The following DAB1 variants were observed in gnomAD, a reference collection of about 807,000 sequenced individuals.
DAB1 encodes disabled homolog 1.
DAB1 carries 15 observed loss-of-function variants against 64.6 expected under a neutral mutation model. The ratio of observed to expected loss-of-function variants is 0.23; its 90% CI spans 0.16 to 0.36. DAB1 has a LOEUF of 0.36. DAB1 is among the 10% of genes least tolerant of loss of function. The pLI is 1.00. For synonymous variants in DAB1, 235 were observed against 251.9 expected (o/e 0.93, Z 0.64); for missense variants, 596 against 706.7 (o/e 0.84, Z 1.78).
intron 6 of DAB1, among the ~76,000 whole-genome samples, chr1:57,745,488 T>C (rs1648219540): frequency 6.6e-6 from 1 of 152,170 alleles, no homozygotes; most frequent in Admixed American, 6.5e-5. Context: ...TTACTTTTCT[T>C]TACAGTGAGC....
chr1:57,682,000 C>T (rs796124657), intron 6 of DAB1, among the ~76,000 whole-genome samples: 1 of 152,134 alleles, frequency 6.6e-6, no homozygotes, highest in Non-Finnish European at 1.5e-5. Context: ...TACCTCCTCA[C>T]AGCCCTTAAT....
chr1:57,454,598 C>T (rs1484761248), intron 7 of DAB1, among the ~76,000 whole-genome samples: 2 of 152,026 alleles, frequency 1.3e-5, no homozygotes, highest in African/African-American at 4.8e-5. Flanking sequence ...GTACAATAAA[C>T]CCATGTGACA....
intron 1 of DAB1, among the ~76,000 whole-genome samples, chr1:57,848,011 T>C (rs1014111024): frequency 6.6e-5 from 10 of 152,314 alleles, no homozygotes; most frequent in African/African-American, 2.4e-4. Context: ...CTGATTTTCC[T>C]GAGATTTTAA....
At chr1:57,679,413 A>G (rs1646610480) in intron 6 of DAB1, among the ~76,000 whole-genome samples, 1 of 152,226 alleles carries the variant, frequency 6.6e-6, no homozygotes, top group Non-Finnish European at 1.5e-5. Context: ...ACTCCAGAAC[A>G]GGGAATGTGG....
In DAB1 at chr1:57,350,827, G is replaced by A. The variant is rs188522094; in HGVS notation, c.-136-59661C>T. Among the ~76,000 whole-genome samples, 11 of 152,246 alleles carry A rather than the reference G, an allele frequency of 7.2e-5. No individual in the cohort carries two copies. In the East Asian group the frequency reaches 2.1e-3, roughly 29 times the overall value. On this transcript the variant is annotated intron_variant, in intron 1 of 14. Coordinates refer to ENST00000371236, the MANE Select transcript of DAB1 (RefSeq NM_001365792.1). Reference sequence around the variant, plus strand: ...TTAATGAAAGACTACGGTGAACTTTGCTAACCACAGCCTGTGCGTTTGTAA... The same window carrying A: ...TTAATGAAAGACTACGGTGAACTTTACTAACCACAGCCTGTGCGTTTGTAA...
intron 9 of DAB1, 107 bp downstream of exon 9, chr1:57,062,777 G>T: frequency 1.1e-6 from 1 of 897,936 alleles, no homozygotes; most frequent in Non-Finnish European, 1.8e-6. Context: ...AAACATGTGG[G>T]GCCATGACAC....
At chr1:57,664,361 A>G (rs1219333496) in intron 6 of DAB1, among the ~76,000 whole-genome samples, 1 of 152,168 alleles carries the variant, frequency 6.6e-6, no homozygotes, top group Non-Finnish European at 1.5e-5. Flanking sequence ...AGATTTGTAA[A>G]TTGTGAGATA....
intron 10 of DAB1, among the ~76,000 whole-genome samples, chr1:57,025,203 C>T (rs572560567): frequency 3.9e-5 from 6 of 152,336 alleles, no homozygotes; most frequent in Non-Finnish European, 7.3e-5. Context: ...CATCTCGGCT[C>T]TTTTCTTTGC....
intron 14 of DAB1, among the ~76,000 whole-genome samples, chr1:57,000,257 G>T (rs1259034902): frequency 6.6e-6 from 1 of 151,936 alleles, no homozygotes; most frequent in Non-Finnish European, 1.5e-5. Context: ...TGTCAGCCAG[G>T]ATGGTCTCAA....
At chr1:57,971,244 T>C (rs1296414923) in intron 5 of DAB1, among the ~76,000 whole-genome samples, 2 of 152,208 alleles carry the variant, frequency 1.3e-5, no homozygotes, top group Non-Finnish European at 2.9e-5. Context: ...ACAAAATTTG[T>C]CTATTGTTCA....
intron 5 of DAB1, among the ~76,000 whole-genome samples, chr1:57,906,937 C>CAGAT (rs5774378): frequency 0.024 from 3,474 of 146,816 alleles, 55 homozygotes; most frequent in East Asian, 0.03. Flanking sequence ...ATATAATATG[C>CAGAT]AGATAGATAG....
In DAB1 at chr1:57,504,251, G is replaced by T. The variant is rs540089956; in HGVS notation, n.625+145341C>A. 1.4e-4 allele frequency among the ~76,000 whole-genome samples: 21 copies of T among 152,208 alleles called. No homozygotes were observed. The South Asian group carries it at 4.4e-3, about 32-fold the overall frequency. On this transcript the variant is annotated intron_variant and non_coding_transcript_variant, in intron 7 of 20. Coordinates refer to the DAB1 transcript ENST00000485760. ...TAAAATTTTTCCATTTCAATAAAGG[G>T]AACCAGGATTCTTTGGAGAAATAGC...
At chr1:57,097,674 G>A (rs1264955768) in intron 4 of DAB1, among the ~76,000 whole-genome samples, 1 of 152,110 alleles carries the variant, frequency 6.6e-6, no homozygotes, top group African/African-American at 2.4e-5. Context: ...ACTACTTTAA[G>A]TATTAATTCA....
intron 14 of DAB1, among the ~76,000 whole-genome samples, chr1:56,999,496 GT>G (rs1413245269): frequency 6.6e-6 from 1 of 152,170 alleles, no homozygotes; most frequent in Non-Finnish European, 1.5e-5. Flanking sequence ...CTGCCTTATA[GT>G]CCTGAGGGTG....
intron 4 of DAB1, among the ~76,000 whole-genome samples, chr1:58,265,518 T>C (rs1389964275): frequency 6.6e-6 from 1 of 152,192 alleles, no homozygotes; most frequent in Non-Finnish European, 1.5e-5. Context: ...TAAGTAGAAT[T>C]ACAAGGATAA....
chr1:57,642,715 C>T (rs891495812), intron 7 of DAB1, among the ~76,000 whole-genome samples: 1 of 152,212 alleles, frequency 6.6e-6, no homozygotes, highest in Non-Finnish European at 1.5e-5. Flanking sequence ...TGTTCTGTTG[C>T]TTCCTTCATT....
At chr1:57,772,763 G>A (rs1649618336) in intron 6 of DAB1, among the ~76,000 whole-genome samples, 5 of 151,990 alleles carry the variant, frequency 3.3e-5, no homozygotes, top group Non-Finnish European at 7.4e-5. Flanking sequence ...TCCTGATGAT[G>A]TTGGGCCTCT....
intron 5 of DAB1, among the ~76,000 whole-genome samples, chr1:58,077,488 A>G (rs1649727378): frequency 6.6e-6 from 1 of 152,242 alleles, no homozygotes; most frequent in Non-Finnish European, 1.5e-5. Context: ...AGGTGGAGAC[A>G]ACAATGGATA....
chr1:58,441,042 C>T lies in DAB1; in HGVS notation n.257+65018G>A, dbSNP rs545082159. On this transcript the variant is annotated intron_variant and non_coding_transcript_variant, in intron 3 of 20. Transcript: ENST00000485760. ...GCAAGGGAGTTGGGGCATTTATACC[C>T]TCATTATCTGTCGGTCGTTGGTTCA... is the stretch of plus-strand genomic sequence containing the variant. 2.2e-4 allele frequency among the ~76,000 whole-genome samples: 34 copies of T among 152,318 alleles called. No individual in the cohort carries two copies. In the East Asian group the frequency reaches 6.4e-3, roughly 28 times the overall value.
Sources: allele counts gnomAD v4.1 joint callset (sites outside exome capture counted in the v4.1 genomes callset), GRCh38; gene constraint gnomAD v4.1.1; transcripts MANE v1.5; gene names NCBI Gene and HGNC (gene_info 2026-07-23, HGNC 2026-07-21).